The following BLTP3A variants were observed in gnomAD, a reference collection of about 807,000 sequenced individuals.
The protein encoded by BLTP3A is ICBP90 binding protein 1.
the BLTP3A span, among the ~76,000 whole-genome samples, chr6:34,798,585 TCTTTCTTTC>T: frequency 3.4e-4 from 46 of 137,192 alleles, no homozygotes; most frequent in Non-Finnish European, 5.2e-4. Flanking sequence ...TTTTTAATTT[TCTTTCTTTC>T]TTTTTTTTTT....
At chr6:34,830,050 T>G in the BLTP3A span, among the ~76,000 whole-genome samples, 5 of 151,716 alleles carry the variant, frequency 3.3e-5, no homozygotes, top group South Asian at 8.4e-4. Context: ...CCTGACCTCG[T>G]GATTTGCCTG....
chr6:34,802,696 C>T, the BLTP3A span, among the ~76,000 whole-genome samples: 3 of 152,160 alleles, frequency 2.0e-5, no homozygotes, highest in African/African-American at 7.2e-5. Flanking sequence ...CCTGGTGATT[C>T]CACGTTTGCA....
the BLTP3A span, chr6:34,821,810 A>C: frequency 1.9e-6 from 3 of 1,614,132 alleles, no homozygotes; most frequent in African/African-American, 4.0e-5. Flanking sequence ...CAGGGCCTCC[A>C]TCCGGGTGAG....
At chr6:34,816,256 T>A in the BLTP3A span, among the ~76,000 whole-genome samples, 42 of 152,268 alleles carry the variant, frequency 2.8e-4, no homozygotes, top group Admixed American at 5.2e-4. Flanking sequence ...ATCTGAAGTA[T>A]GTTTCTCTTT....
At chr6:34,829,729 G>A in the BLTP3A span, among the ~76,000 whole-genome samples, 1 of 151,950 alleles carries the variant, frequency 6.6e-6, no homozygotes, top group South Asian at 2.1e-4. Flanking sequence ...CTGCCTCCCA[G>A]GTTCAAGCGA....
chr6:34,810,855 C>A, the BLTP3A span, among the ~76,000 whole-genome samples: 1 of 152,158 alleles, frequency 6.6e-6, no homozygotes, highest in Non-Finnish European at 1.5e-5. Context: ...AGTATTTTTG[C>A]ACTTAAGTTT....
chr6:34,801,857 T>C, the BLTP3A span, among the ~76,000 whole-genome samples: 2 of 151,944 alleles, frequency 1.3e-5, no homozygotes, highest in Admixed American at 6.6e-5. Context: ...CCTGCCTCAG[T>C]CTCCGGAGTA....
At chr6:34,821,924 G>C in the BLTP3A span, 1 of 1,614,188 alleles carries the variant, frequency 6.2e-7, no homozygotes, top group Non-Finnish European at 8.5e-7. Context: ...CAGATCCAGT[G>C]GACAAAGTTG....
chr6:34,863,255 T>C, the BLTP3A span, among the ~76,000 whole-genome samples: 2 of 152,200 alleles, frequency 1.3e-5, no homozygotes, highest in Admixed American at 1.3e-4. Flanking sequence ...GACAGTTTCT[T>C]CATCTGTAAA....
At chr6:34,806,777 C>T in the BLTP3A span, among the ~76,000 whole-genome samples, 16 of 152,178 alleles carry the variant, frequency 1.1e-4, no homozygotes, top group Non-Finnish European at 1.8e-4. Context: ...TCTTCTGCCT[C>T]AGCTTTCTGA....
chr6:34,859,418 C>G, the BLTP3A span: 18 of 1,614,072 alleles, frequency 1.1e-5, 1 homozygote, highest in South Asian at 2.0e-4. Context: ...TTGTCAAGTG[C>G]TATTCACATG....
chr6:34,859,753 A>G, the BLTP3A span, among the ~76,000 whole-genome samples: 1 of 152,152 alleles, frequency 6.6e-6, no homozygotes, highest in Non-Finnish European at 1.5e-5. Context: ...TCTTAGAATC[A>G]GATTATCTCC....
At chr6:34,865,515 T>C in the BLTP3A span, among the ~76,000 whole-genome samples, 1 of 152,246 alleles carries the variant, frequency 6.6e-6, no homozygotes. Flanking sequence ...GGAATGGAGA[T>C]AGTTCTTTGA....
chr6:34,831,377 C>A, the BLTP3A span, among the ~76,000 whole-genome samples: 57 of 152,308 alleles, frequency 3.7e-4, no homozygotes, highest in East Asian at 0.011. Flanking sequence ...ATCCACCCGC[C>A]TCGGCCTCCC....
At chr6:34,807,030 G>A in the BLTP3A span, among the ~76,000 whole-genome samples, 3 of 152,276 alleles carry the variant, frequency 2.0e-5, no homozygotes, top group Admixed American at 2.0e-4. Flanking sequence ...CCTTTTCTGA[G>A]CATTAGCAAG....
chr6:34,859,281 A>G, the BLTP3A span: 8 of 1,613,640 alleles, frequency 5.0e-6, no homozygotes, highest in East Asian at 2.2e-5. Context: ...TAGAGTCCCT[A>G]CAGGCCAAGA....
the BLTP3A span, chr6:34,834,071 C>A: frequency 1.2e-6 from 1 of 852,698 alleles, no homozygotes. Context: ...CGCTGTACTC[C>A]AGCTTGGGTA....
chr6:34,836,792 T>C, the BLTP3A span, among the ~76,000 whole-genome samples: 4 of 152,230 alleles, frequency 2.6e-5, no homozygotes, highest in Admixed American at 2.0e-4. Flanking sequence ...AAATATTTAT[T>C]GTGTGTAAAT....
At chr6:34,817,897 A>G in the BLTP3A span, among the ~76,000 whole-genome samples, 1 of 147,656 alleles carries the variant, frequency 6.8e-6, no homozygotes, top group Non-Finnish European at 1.5e-5. Flanking sequence ...TCTGTCGCCC[A>G]GGCTGGAGTG....
Sources: allele counts gnomAD v4.1 joint callset (sites outside exome capture counted in the v4.1 genomes callset), GRCh38; gene constraint gnomAD v4.1.1; transcripts MANE v1.5; gene names NCBI Gene and HGNC (gene_info 2026-07-23, HGNC 2026-07-21).